The following KCNQ5 variants were observed in gnomAD, a reference collection of about 807,000 sequenced individuals.
KCNQ5 encodes the protein potassium voltage-gated channel subfamily KQT member 5.
Under a neutral mutation model 98.2 loss-of-function variants are expected in KCNQ5, and 30 were observed. That is an observed-to-expected ratio of 0.31 (90% CI 0.23 to 0.41). The LOEUF (loss-of-function observed/expected upper bound fraction) is 0.41, where lower values mean the gene tolerates loss of function less well. Among genes scored for constraint, KCNQ5 ranks in the 10% least tolerant of loss-of-function variants. KCNQ5 has a pLI of 1.00. For synonymous variants in KCNQ5, 458 were observed against 449.4 expected (o/e 1.02, Z -0.24); for missense variants, 835 against 1,182.5 (o/e 0.71, Z 4.31).
At chr6:73,128,452 A>C (rs965652418) in intron 9 of KCNQ5, among the ~76,000 whole-genome samples, 1 of 152,224 alleles carries the variant, frequency 6.6e-6, no homozygotes, top group African/African-American at 2.4e-5. Context: ...CTGTGAATCC[A>C]TCTGTCCAGA....
At chr6:73,133,312 C>A in intron 9 of KCNQ5, 109 bp from the exon 10 acceptor site, 1 of 905,938 alleles carries the variant, frequency 1.1e-6, no homozygotes, top group Non-Finnish European at 1.7e-6. Context: ...GTGCTGAAAA[C>A]ATCTTGTCTA....
At chr6:73,147,162 T>C (rs1271244164) in intron 10 of KCNQ5, among the ~76,000 whole-genome samples, 1 of 152,126 alleles carries the variant, frequency 6.6e-6, no homozygotes, top group African/African-American at 2.4e-5. Context: ...TCTCTCTCTT[T>C]AGGGTGGTAG....
In KCNQ5 at chr6:73,194,639, G is replaced by A; in HGVS notation, c.2024G>A (p.Cys675Tyr). The change falls in exon 14 of 14, where the codon TGC becomes TAC. Residue 675 changes from cysteine (C) to tyrosine (Y), a missense_variant. Cys to Tyr is a radical substitution (Grantham distance 194). This residue lies in a region of KCNQ5 where 416 missense variants were observed against 446.9 expected (regional missense o/e 0.93). Coordinates refer to ENST00000370398, the MANE Select transcript of KCNQ5 (RefSeq NM_019842.4). The part of the protein sequence containing the change: ...DLSGSAQNSG[C>Y]LSRSTSANIS... The stretch of plus-strand genomic sequence containing the variant: ...TCGGGTTCCGCACAAAACAGTGGCT[G>A]CTTATCCAGATCAACTAGTGCCAAC... The A allele has an allele frequency of 6.2e-7, 1 of 1,614,236 alleles. No homozygotes were observed. The highest frequency in any genetic ancestry group is 8.5e-7 in the Non-Finnish European group (1 of 1,180,038).
chr6:72,841,268 A>C (rs9446766), intron 1 of KCNQ5, among the ~76,000 whole-genome samples: 2,303 of 152,266 alleles, frequency 0.015, 56 homozygotes, highest in African/African-American at 0.049. Flanking sequence ...TGGTGAAGAC[A>C]AGCTATGTGC....
At chr6:72,918,937 T>A (rs540805126) in intron 1 of KCNQ5, among the ~76,000 whole-genome samples, 1 of 152,290 alleles carries the variant, frequency 6.6e-6, no homozygotes, top group South Asian at 2.1e-4. Flanking sequence ...TGCCTTCTCT[T>A]CTCCCCTCTT....
intron 1 of KCNQ5, among the ~76,000 whole-genome samples, chr6:72,826,240 C>A (rs1775987820): frequency 6.6e-6 from 1 of 152,102 alleles, no homozygotes; most frequent in African/African-American, 2.4e-5. Context: ...TCACCAGTTA[C>A]CCTTCCTGCA....
At chr6:72,996,833 G>A (rs747531497) in intron 1 of KCNQ5, among the ~76,000 whole-genome samples, 4 of 152,208 alleles carry the variant, frequency 2.6e-5, no homozygotes, top group Non-Finnish European at 4.4e-5. Flanking sequence ...GTGACAAGGA[G>A]AATGACACGT....
chr6:72,926,765 A>G (rs1334661287), intron 1 of KCNQ5, among the ~76,000 whole-genome samples: 2 of 152,152 alleles, frequency 1.3e-5, no homozygotes, highest in Admixed American at 1.3e-4. Flanking sequence ...TTTCTGAAAA[A>G]CGTCCTAAGA....
At chr6:72,956,587 G>A (rs1767078387) in intron 1 of KCNQ5, among the ~76,000 whole-genome samples, 1 of 117,264 alleles carries the variant, frequency 8.5e-6, no homozygotes, top group Non-Finnish European at 1.8e-5. Context: ...TTTATTTTTG[G>A]TAGAAACAGG....
intron 1 of KCNQ5, among the ~76,000 whole-genome samples, chr6:72,894,482 G>T (rs891900350): frequency 6.6e-6 from 1 of 152,148 alleles, no homozygotes; most frequent in African/African-American, 2.4e-5. Context: ...TTTCCAAGAG[G>T]TTATGTCTCA....
At chr6:72,675,638 T>C (rs568487345) in intron 1 of KCNQ5, among the ~76,000 whole-genome samples, 4 of 152,216 alleles carry the variant, frequency 2.6e-5, no homozygotes, top group Non-Finnish European at 5.9e-5. Flanking sequence ...AACTGAACTT[T>C]CTTGGCATGC....
intron 1 of KCNQ5, among the ~76,000 whole-genome samples, chr6:72,628,281 T>C (rs1460045905): frequency 6.6e-6 from 1 of 152,176 alleles, no homozygotes; most frequent in African/African-American, 2.4e-5. Context: ...AAAAAAGATA[T>C]GGGACTAGAA....
chr6:73,046,633 A>ATTTTATTTTATTTTT (rs1382377775), intron 3 of KCNQ5, among the ~76,000 whole-genome samples: 2 of 145,906 alleles, frequency 1.4e-5, no homozygotes, highest in African/African-American at 2.5e-5. Flanking sequence ...ATTTTATTTT[A>ATTTTATTTTATTTTT]TTTTATTTTA....
intron 1 of KCNQ5, among the ~76,000 whole-genome samples, chr6:72,765,743 T>G: frequency 6.6e-6 from 1 of 151,240 alleles, no homozygotes; most frequent in African/African-American, 2.5e-5. Flanking sequence ...GTTACCACTG[T>G]GGCTTTTTAG....
intron 7 of KCNQ5, among the ~76,000 whole-genome samples, chr6:73,112,599 C>T (rs6453640): frequency 0.95 from 145,358 of 152,212 alleles, 69,401 homozygotes; most frequent in South Asian, 0.98. Context: ...CCCACCTCGG[C>T]CTCCCAAAGT....
chr6:72,908,681 G>T (rs1054458040), intron 1 of KCNQ5, among the ~76,000 whole-genome samples: 13 of 152,184 alleles, frequency 8.5e-5, no homozygotes, highest in African/African-American at 3.1e-4. Context: ...TTTGAATAGG[G>T]CTAGAAGCAA....
chr6:73,055,521 T>C, intron 3 of KCNQ5: 1 of 1,512,228 alleles, frequency 6.6e-7, no homozygotes, highest in Non-Finnish European at 9.2e-7. Flanking sequence ...TATGCAGACC[T>C]CACAGAAAAT....
intron 1 of KCNQ5, among the ~76,000 whole-genome samples, chr6:72,664,607 A>C (rs1766701196): frequency 6.6e-6 from 1 of 152,094 alleles, no homozygotes; most frequent in Non-Finnish European, 1.5e-5. Flanking sequence ...ATGAGCTGAG[A>C]TCGTACCCAC....
At chr6:73,065,036 C>T (rs1772983799) in intron 3 of KCNQ5, among the ~76,000 whole-genome samples, 1 of 121,806 alleles carries the variant, frequency 8.2e-6, no homozygotes, top group Non-Finnish European at 1.7e-5. Flanking sequence ...GCAAGGGATT[C>T]GTCCTGTAGC....
Sources: allele counts gnomAD v4.1 joint callset (sites outside exome capture counted in the v4.1 genomes callset), GRCh38; gene constraint gnomAD v4.1.1; regional missense constraint gnomAD v4.1.1; transcripts MANE v1.5; gene names NCBI Gene and HGNC (gene_info 2026-07-23, HGNC 2026-07-21).